The following TRIM14 variants were observed in gnomAD, a reference collection of about 807,000 sequenced individuals.
The protein encoded by TRIM14 is tripartite motif containing 14.
A neutral mutation model predicts 44.5 loss-of-function variants in TRIM14; 28 were observed. That is an observed-to-expected ratio of 0.63 (90% CI 0.47 to 0.86). The LOEUF (loss-of-function observed/expected upper bound fraction) is 0.86. Ranked by LOEUF, TRIM14 falls within the 40% of genes least tolerant of loss-of-function variation. The pLI is 0.00. For missense variants in TRIM14, 607 were observed against 611.1 expected (o/e 0.99, Z 0.07); for synonymous variants, 299 against 269.2 (o/e 1.11, Z -1.08).
the TRIM14 span, among the ~76,000 whole-genome samples, chr9:98,050,003 A>C: frequency 6.6e-6 from 1 of 152,192 alleles, no homozygotes; most frequent in African/African-American, 2.4e-5. Context: ...GTGGTAGAAG[A>C]AGATTTATGG....
chr9:98,058,401 T>C, the TRIM14 span, among the ~76,000 whole-genome samples: 1 of 152,218 alleles, frequency 6.6e-6, no homozygotes, highest in Admixed American at 6.5e-5. Flanking sequence ...GCCGATTTCA[T>C]TTTAAAGGCT....
At chr9:98,082,929 G>C, downstream of TRIM14, 2 of 1,614,210 alleles carry the variant, frequency 1.2e-6, no homozygotes, top group Middle Eastern at 1.6e-4. Flanking sequence ...AGGTGGGTGA[G>C]CCCAAAGGCT....
At chr9:98,081,935 A>C (rs1187647257), downstream of TRIM14, 1 of 152,240 alleles carries the variant, frequency 6.6e-6, no homozygotes, top group Non-Finnish European at 1.5e-5. Context: ...AACCAGAGTA[A>C]GATTTATAAC....
chr9:98,117,275 GTTTTATTTATTTAT>G (rs1827087669), intron 1 of TRIM14, among the ~76,000 whole-genome samples: 1 of 140,004 alleles, frequency 7.1e-6, no homozygotes, highest in African/African-American at 2.6e-5. Flanking sequence ...GAGATTCTCT[GTTTTATTTATTTAT>G]TTATTTATTT....
intron 1 of TRIM14, 68 bp from the exon 2 acceptor site, chr9:98,110,052 G>A (rs746719450): frequency 1.7e-6 from 2 of 1,198,628 alleles, no homozygotes; most frequent in Non-Finnish European, 2.5e-6. Context: ...CCCCCCACAG[G>A]GGTCACCTCC....
At chr9:98,059,190 A>T in the TRIM14 span, among the ~76,000 whole-genome samples, 21 of 151,636 alleles carry the variant, frequency 1.4e-4, no homozygotes, top group East Asian at 3.9e-3. Flanking sequence ...CACCTAGCTA[A>T]TTTTTTGTAT....
At chr9:98,051,210 C>T in the TRIM14 span, among the ~76,000 whole-genome samples, 9 of 152,168 alleles carry the variant, frequency 5.9e-5, no homozygotes, top group African/African-American at 1.2e-4. Flanking sequence ...ATGACTATCG[C>T]GAGGATAACA....
the TRIM14 span, among the ~76,000 whole-genome samples, chr9:98,036,595 A>G: frequency 2.8e-4 from 43 of 151,702 alleles, no homozygotes; most frequent in African/African-American, 9.0e-4. Context: ...TGAGGTTAGG[A>G]GTTCAAAACC....
intron 1 of TRIM14, among the ~76,000 whole-genome samples, chr9:98,111,054 C>T (rs375157178): frequency 1.3e-5 from 2 of 150,896 alleles, no homozygotes; most frequent in African/African-American, 4.9e-5. Context: ...CCTGTCCCCC[C>T]CCCCAAAAAA....
chr9:98,103,518 T>C (rs1826479944), intron 2 of TRIM14, among the ~76,000 whole-genome samples: 1 of 151,988 alleles, frequency 6.6e-6, no homozygotes, highest in South Asian at 2.1e-4. Context: ...AAAATGACAA[T>C]TTGTTCATGT....
rs1825757380 is a variant in TRIM14, at chr9:98,085,872, C to A, written c.*1598G>T. ...TATTTAAACCACGAGGATTCGGCGACCTTGGCCTCCCACCAAGCACCTATG... is the reference window on the plus strand; with the variant it reads ...TATTTAAACCACGAGGATTCGGCGAACTTGGCCTCCCACCAAGCACCTATG... On this transcript the variant is annotated 3_prime_UTR_variant, in exon 6 of 6. Transcript: ENST00000341469. 1 of 152,186 alleles carries A rather than the reference C, an allele frequency of 6.6e-6. No homozygotes were observed. The highest frequency in any genetic ancestry group is 2.4e-5 in the African/African-American group (1 of 41,436). 9.4% of individuals were successfully genotyped at this position (152,186 alleles called of 1,614,324 possible).
In TRIM14 at chr9:98,094,911, A is replaced by C; in HGVS notation, c.656T>G (p.Val219Gly). The change falls in exon 4 of 6, where the codon GTG (valine) becomes GGG (glycine). Residue 219 changes from valine to glycine, a missense_variant. Val to Gly is a moderately radical substitution (Grantham distance 109). Around this residue, in one of 3 missense-constraint regions of TRIM14, gnomAD observed 356 missense variants for 323.0 expected, o/e 1.10. Transcript: ENST00000341469. ...CAATGGCGTCTGTAATGTACTCTCC[A>C]CGGCTTCCACGAGGCCCTTAAAGAA... Reference protein sequence around the residue: ...KSFFKGLVEAVESTLQTPLDI... With the variant: ...KSFFKGLVEAGESTLQTPLDI... 6.2e-7 allele frequency: 1 copy of C among 1,614,148 alleles called. No homozygotes were observed. The highest frequency in any genetic ancestry group is 1.1e-5 in the South Asian group (1 of 91,082).
At chr9:98,083,260 C>T (rs1829970506), downstream of TRIM14, among the ~76,000 whole-genome samples, 1 of 152,216 alleles carries the variant, frequency 6.6e-6, no homozygotes, top group African/African-American at 2.4e-5. Context: ...ATCTCTCCTT[C>T]AAGTTGGCCA....
At chr9:98,042,637 C>T in the TRIM14 span, among the ~76,000 whole-genome samples, 5 of 152,024 alleles carry the variant, frequency 3.3e-5, no homozygotes, top group African/African-American at 4.8e-5. Flanking sequence ...TTTGGGAGGC[C>T]GAGGAGGGCA....
chr9:98,115,147 T>C (rs928276565), intron 1 of TRIM14, among the ~76,000 whole-genome samples: 5 of 152,138 alleles, frequency 3.3e-5, no homozygotes, highest in Non-Finnish European at 7.3e-5. Context: ...TGGAGTGCAG[T>C]GGCATGATCT....
chr9:98,094,099 G>T (rs966758687), intron 4 of TRIM14, among the ~76,000 whole-genome samples: 1 of 152,114 alleles, frequency 6.6e-6, no homozygotes, highest in Non-Finnish European at 1.5e-5. Context: ...GTTTGTGTAC[G>T]GTCTGTCTTC....
At chr9:98,101,361 A>G (rs1292002763) in intron 2 of TRIM14, among the ~76,000 whole-genome samples, 2 of 152,174 alleles carry the variant, frequency 1.3e-5, no homozygotes, top group African/African-American at 2.4e-5. Flanking sequence ...GGGCATTTAT[A>G]TAAACTGTGG....
chr9:98,049,338 C>CAAAAAA, the TRIM14 span, among the ~76,000 whole-genome samples: 1 of 38,558 alleles, frequency 2.6e-5, no homozygotes, highest in Non-Finnish European at 4.0e-5. Context: ...TGAGACTCTG[C>CAAAAAA]ATAAAAAAAA....
chr9:98,092,017 G>A lies in TRIM14; in HGVS notation c.701-16C>T, dbSNP rs1216711205. On this transcript the variant is annotated splice_polypyrimidine_tract_variant and intron_variant, in intron 4 of 5. Coordinates refer to ENST00000341469, the MANE Select transcript of TRIM14 (RefSeq NM_014788.4). The stretch of plus-strand genomic sequence containing the variant: ...CAGTTTATGCCTGTAAGGAATTGTT[G>A]AGAAATGAGCGCCCGGAGCTTATGC... The A allele has an allele frequency of 1.3e-6, 2 of 1,590,600 alleles. No individual in the cohort carries two copies.
Sources: gnomAD v4.1 joint callset for allele counts (sites outside exome capture counted in the v4.1 genomes callset) on GRCh38, gnomAD v4.1.1 for gene constraint, gnomAD v4.1.1 regional missense constraint, MANE v1.5 for transcripts, NCBI Gene and HGNC (gene_info 2026-07-23, HGNC 2026-07-21) for gene names.